FAM193A: variants seen among roughly 807,000 people sequenced by gnomAD.
FAM193A encodes the protein family with sequence similarity 193 member A, also known as protein FAM193A.
FAM193A carries 22 observed loss-of-function variants against 126.5 expected under a neutral mutation model. That is an observed-to-expected ratio of 0.17 (90% CI 0.12 to 0.25). FAM193A has a LOEUF of 0.25. FAM193A is among the 10% of genes least tolerant of loss of function. FAM193A has a pLI of 1.00. For synonymous variants in FAM193A, 761 were observed against 646.8 expected (o/e 1.18, Z -2.68); for missense variants, 1,675 against 1,672.8 (o/e 1.00, Z -0.02).
At chr4:2,650,450 T>C (rs566852223) in intron 7 of FAM193A, among the ~76,000 whole-genome samples, 1 of 152,286 alleles carries the variant, frequency 6.6e-6, no homozygotes, top group African/African-American at 2.4e-5. Flanking sequence ...CGGCTCACTC[T>C]CGTCACCGGG....
chr4:2,641,121 A>G (rs1577119139), intron 6 of FAM193A, among the ~76,000 whole-genome samples: 1 of 148,800 alleles, frequency 6.7e-6, no homozygotes, highest in Non-Finnish European at 1.5e-5. Context: ...GCTCACTGCA[A>G]CCTCCACCTC....
At chr4:2,608,815 G>T (rs528255569) in intron 2 of FAM193A, among the ~76,000 whole-genome samples, 15 of 151,992 alleles carry the variant, frequency 9.9e-5, no homozygotes, top group African/African-American at 3.6e-4. Context: ...GACCAAGCCT[G>T]TGTTGAACTT....
At chr4:2,673,655 A>C (rs936139971) in intron 13 of FAM193A, among the ~76,000 whole-genome samples, 2 of 151,992 alleles carry the variant, frequency 1.3e-5, no homozygotes, top group African/African-American at 2.4e-5. Flanking sequence ...TTGTAGCCTG[A>C]TTTTCTCTGG....
At chr4:2,639,885 C>CTT in intron 6 of FAM193A, 26 bp downstream of exon 6, 1 of 1,605,796 alleles carries the variant, frequency 6.2e-7, no homozygotes, top group South Asian at 1.1e-5. Flanking sequence ...CCGTATGTGT[C>CTT]TTTGTGGTGT....
chr4:2,558,241 C>T (rs1298370887), intron 1 of FAM193A, among the ~76,000 whole-genome samples: 4 of 147,958 alleles, frequency 2.7e-5, no homozygotes, highest in Admixed American at 6.9e-5. Context: ...TGTATTTCAT[C>T]GTGTTTGACA....
chr4:2,617,690 A>G (rs1742295725), intron 2 of FAM193A, among the ~76,000 whole-genome samples: 1 of 152,170 alleles, frequency 6.6e-6, no homozygotes, highest in Non-Finnish European at 1.5e-5. Flanking sequence ...AGAATAGTAT[A>G]CCACTTCACA....
intron 1 of FAM193A, among the ~76,000 whole-genome samples, chr4:2,541,752 A>G (rs1256842317): frequency 1.3e-5 from 2 of 151,580 alleles, no homozygotes; most frequent in Non-Finnish European, 2.9e-5. Context: ...TCTATTGTGT[A>G]CTATTGAGTT....
chr4:2,621,281 G>T (rs942391499), intron 2 of FAM193A, among the ~76,000 whole-genome samples: 8 of 152,198 alleles, frequency 5.3e-5, no homozygotes, highest in African/African-American at 1.9e-4. Flanking sequence ...CTCCTTCATT[G>T]TAAGTGTGGC....
intron 6 of FAM193A, among the ~76,000 whole-genome samples, chr4:2,645,075 T>G (rs906158401): frequency 1.3e-5 from 2 of 151,894 alleles, no homozygotes; most frequent in African/African-American, 4.8e-5. Flanking sequence ...TGGGTAGACA[T>G]AATTATAAAA....
chr4:2,647,216 G>A (rs552292938), intron 7 of FAM193A, among the ~76,000 whole-genome samples: 5 of 152,160 alleles, frequency 3.3e-5, no homozygotes, highest in African/African-American at 1.2e-4. Context: ...TGAGATCTGG[G>A]CTCACCCCAA....
chr4:2,540,997 G>A (rs893967119), intron 1 of FAM193A, among the ~76,000 whole-genome samples: 10 of 150,676 alleles, frequency 6.6e-5, no homozygotes, highest in African/African-American at 2.2e-4. Flanking sequence ...AAGGGCAGGC[G>A]CAGTGGCTGA....
intron 1 of FAM193A, among the ~76,000 whole-genome samples, chr4:2,591,593 A>C (rs562587381): frequency 5.3e-5 from 8 of 152,144 alleles, no homozygotes; most frequent in African/African-American, 1.4e-4. Flanking sequence ...ACCCGAGAGG[A>C]TATTGCTTTT....
chr4:2,706,799 G>C (rs948441613), intron 19 of FAM193A, among the ~76,000 whole-genome samples: 13 of 151,374 alleles, frequency 8.6e-5, no homozygotes, highest in African/African-American at 3.1e-4. Flanking sequence ...AGTTCTATAT[G>C]AACTTTAGCA....
At chr4:2,628,952 A>T (rs1239069127) in intron 4 of FAM193A, among the ~76,000 whole-genome samples, 1 of 150,506 alleles carries the variant, frequency 6.6e-6, no homozygotes, top group Non-Finnish European at 1.5e-5. Flanking sequence ...TGGCGGGTTC[A>T]TGCCATTCTC....
At chr4:2,581,494 T>G (rs1577035728) in intron 1 of FAM193A, among the ~76,000 whole-genome samples, 1 of 152,076 alleles carries the variant, frequency 6.6e-6, no homozygotes, top group Admixed American at 6.5e-5. Flanking sequence ...GCTCAGGCAA[T>G]CCGCCTGTCT....
intron 12 of FAM193A, among the ~76,000 whole-genome samples, chr4:2,668,629 A>T (rs1380185975): frequency 1.3e-5 from 2 of 152,164 alleles, no homozygotes; most frequent in Non-Finnish European, 1.5e-5. Context: ...TTGTACTATT[A>T]TTGTCCTATA....
upstream of FAM193A, among the ~76,000 whole-genome samples, chr4:2,535,981 ACCCCCG>A (rs2108792715): frequency 6.6e-6 from 1 of 151,384 alleles, no homozygotes; most frequent in East Asian, 2.0e-4. Context: ...CGCTGCCCGA[ACCCCCG>A]CCCAGCCCAC....
Position 2,643,024 on chromosome 4 carries a change from C to T in FAM193A, c.1163+3165C>T, listed in dbSNP as rs543048736. ...ATGGTCAGACTCCAACCATGAGCCA[C>T]GTCTCTAGTGTGGATGCTGGATCTC... is the stretch of plus-strand genomic sequence containing the variant. On this transcript the variant is annotated intron_variant, in intron 6 of 20. Coordinates refer to ENST00000637812, the MANE Select transcript of FAM193A (RefSeq NM_001366318.2). Among the ~76,000 whole-genome samples the T allele has an allele frequency of 1.1e-3, 162 of 152,238 alleles. 3 individuals carry two copies. Among genetic ancestry groups the T allele is most frequent in the Admixed American group, 2.4e-3 (36 of 15,268 alleles).
intron 18 of FAM193A, 71 bp downstream of exon 18, chr4:2,696,664 C>G: frequency 8.1e-7 from 1 of 1,230,892 alleles, no homozygotes; most frequent in South Asian, 1.3e-5. Context: ...CCACGCCAGT[C>G]TCTAGGCAGG....
Sources: allele counts gnomAD v4.1 joint callset (sites outside exome capture counted in the v4.1 genomes callset), GRCh38; gene constraint gnomAD v4.1.1; transcripts MANE v1.5; gene names NCBI Gene and HGNC (gene_info 2026-07-23, HGNC 2026-07-21).